The following ADGRL3 variants were observed in gnomAD, a reference collection of about 807,000 sequenced individuals.
ADGRL3 encodes adhesion G protein-coupled receptor L3, also known as calcium-independent alpha-latrotoxin receptor 3.
Under a neutral mutation model 153.5 loss-of-function variants are expected in ADGRL3, and 62 were observed. That is an observed-to-expected ratio of 0.40 (90% CI 0.33 to 0.50). The LOEUF is 0.50. Ranked by LOEUF, ADGRL3 falls within the 20% of genes least tolerant of loss-of-function variation. ADGRL3 has a pLI of 0.47. For missense variants in ADGRL3, 1,641 were observed against 1,859.4 expected, an observed-to-expected ratio of 0.88 and a Z score of 2.16; for synonymous variants, 710 against 672.5, an observed-to-expected ratio of 1.06 and a Z score of -0.86.
At chr4:61,465,922 G>A (rs997726423) in intron 2 of ADGRL3, among the ~76,000 whole-genome samples, 1 of 151,710 alleles carries the variant, frequency 6.6e-6, no homozygotes, top group Non-Finnish European at 1.5e-5. Context: ...AGGTGTTCGA[G>A]ACCAGCTTGG....
intron 2 of ADGRL3, among the ~76,000 whole-genome samples, chr4:61,405,596 G>T (rs1020024584): frequency 2.6e-5 from 4 of 151,704 alleles, no homozygotes; most frequent in African/African-American, 4.8e-5. Context: ...GTAGTCCTCA[G>T]ATAAAAATAC....
chr4:61,279,675 G>A (rs1378601553), intron 1 of ADGRL3, among the ~76,000 whole-genome samples: 1 of 152,020 alleles, frequency 6.6e-6, no homozygotes, highest in East Asian at 1.9e-4. Context: ...TTCCATTTGA[G>A]GACTTTACAT....
chr4:61,630,293 T>C (rs1262997659), intron 5 of ADGRL3, among the ~76,000 whole-genome samples: 1 of 152,218 alleles, frequency 6.6e-6, no homozygotes, highest in African/African-American at 2.4e-5. Context: ...CTACTGATGT[T>C]ATTAAAATTT....
chr4:61,712,873 G>A (rs1383587901), intron 6 of ADGRL3, among the ~76,000 whole-genome samples: 3 of 152,060 alleles, frequency 2.0e-5, no homozygotes, highest in Admixed American at 2.0e-4. Context: ...CTGCATTTCT[G>A]CATTGAAATG....
At chr4:61,879,426 C>T (rs112282440) in intron 9 of ADGRL3, among the ~76,000 whole-genome samples, 10 of 152,076 alleles carry the variant, frequency 6.6e-5, no homozygotes, top group African/African-American at 9.7e-5. Flanking sequence ...AGTCTAAACA[C>T]GGAACTAATT....
At chr4:61,247,015 A>G (rs897959748) in intron 1 of ADGRL3, among the ~76,000 whole-genome samples, 1 of 152,100 alleles carries the variant, frequency 6.6e-6, no homozygotes, top group African/African-American at 2.4e-5. Flanking sequence ...AGCAAACATG[A>G]TATGTAATAA....
chr4:61,757,761 G>T (rs1294832671), intron 8 of ADGRL3, among the ~76,000 whole-genome samples: 4 of 152,030 alleles, frequency 2.6e-5, no homozygotes, highest in Admixed American at 1.3e-4. Context: ...GGCATTTAGT[G>T]GTATAAATTT....
chr4:61,311,071 A>C (rs1281982427), intron 1 of ADGRL3, among the ~76,000 whole-genome samples: 1 of 152,122 alleles, frequency 6.6e-6, no homozygotes, highest in Admixed American at 6.6e-5. Context: ...ATGTTTTCTG[A>C]GCTCCTCATC....
intron 9 of ADGRL3, among the ~76,000 whole-genome samples, chr4:61,815,819 A>G (rs975383319): frequency 6.6e-6 from 1 of 152,228 alleles, no homozygotes; most frequent in African/African-American, 2.4e-5. Flanking sequence ...ATGTGAGGAC[A>G]CAGCAGGAGG....
intron 1 of ADGRL3, among the ~76,000 whole-genome samples, chr4:61,236,800 C>A (rs573978033): frequency 5.9e-4 from 89 of 152,114 alleles, no homozygotes; most frequent in Non-Finnish European, 1.0e-3. Context: ...TTCGATAAAG[C>A]GAATTAGAGC....
chr4:61,623,852 T>C (rs2092679738), intron 5 of ADGRL3, among the ~76,000 whole-genome samples: 1 of 152,044 alleles, frequency 6.6e-6, no homozygotes, highest in South Asian at 2.1e-4. Flanking sequence ...TGGTGGTGGG[T>C]GTCATGTGTA....
intron 1 of ADGRL3, among the ~76,000 whole-genome samples, chr4:61,330,816 ATTTTACAGAGTGCTGATTGGTGCAT>A (rs987187351): frequency 1.3e-5 from 2 of 151,904 alleles, no homozygotes; most frequent in African/African-American, 2.4e-5. Context: ...TGATTGGCCC[ATTTTACAGAGTGCTGATTGGTGCAT>A]TTTTACAGAG....
chr4:61,689,767 A>G (rs1243113937), intron 6 of ADGRL3, among the ~76,000 whole-genome samples: 2 of 152,140 alleles, frequency 1.3e-5, no homozygotes, highest in Admixed American at 6.6e-5. Flanking sequence ...GGTTGCTTTC[A>G]ATATGATCTA....
intron 5 of ADGRL3, among the ~76,000 whole-genome samples, chr4:61,667,540 T>C (rs1157194675): frequency 1.3e-5 from 2 of 152,218 alleles, no homozygotes; most frequent in African/African-American, 4.8e-5. Flanking sequence ...ATTAATTTAA[T>C]ATAAATCAGT....
chr4:61,832,874 C>T (rs2097889151), intron 9 of ADGRL3, among the ~76,000 whole-genome samples: 1 of 150,570 alleles, frequency 6.6e-6, no homozygotes, highest in African/African-American at 2.4e-5. Context: ...GCTCACTGCA[C>T]CCTTGAACTC....
intron 6 of ADGRL3, among the ~76,000 whole-genome samples, chr4:61,702,558 C>A (rs753276339): frequency 2.0e-5 from 3 of 152,138 alleles, no homozygotes; most frequent in Admixed American, 1.3e-4. Flanking sequence ...TTTATTTGAG[C>A]CCCTGGTTTT....
intron 9 of ADGRL3, among the ~76,000 whole-genome samples, chr4:61,870,632 G>T (rs1422455176): frequency 6.6e-6 from 1 of 152,034 alleles, no homozygotes; most frequent in Non-Finnish European, 1.5e-5. Flanking sequence ...AGATTAAAAA[G>T]TGAGCAAATA....
chr4:61,535,998 T>C (rs2098653513), intron 4 of ADGRL3, among the ~76,000 whole-genome samples: 2 of 152,092 alleles, frequency 1.3e-5, no homozygotes, highest in Non-Finnish European at 2.9e-5. Context: ...AGGTTGTTAA[T>C]TGGAAATCTT....
At chr4:61,883,822 C>T (rs1191039456) in intron 9 of ADGRL3, among the ~76,000 whole-genome samples, 2 of 151,992 alleles carry the variant, frequency 1.3e-5, no homozygotes, top group Non-Finnish European at 2.9e-5. Context: ...CCATAAGATA[C>T]AGTTTATTAA....
Sources: gnomAD v4.1 joint callset for allele counts (sites outside exome capture counted in the v4.1 genomes callset) on GRCh38, gnomAD v4.1.1 for gene constraint, MANE v1.5 for transcripts, NCBI Gene and HGNC (gene_info 2026-07-23, HGNC 2026-07-21) for gene names.